The following ATP9B variants were observed in gnomAD, a reference collection of about 807,000 sequenced individuals.
ATP9B encodes probable phospholipid-transporting ATPase IIB.
ATP9B carries 110 observed loss-of-function variants against 146.1 expected under a neutral mutation model. The ratio of observed to expected loss-of-function variants is 0.75; its 90% confidence interval spans 0.65 to 0.88. The LOEUF is 0.88. Among genes scored for constraint, ATP9B ranks in the 40% least tolerant of loss-of-function variants. The probability of loss-of-function intolerance (pLI) is 0.00; values close to 1 mark genes in which losing one functional copy is unlikely to be tolerated. For synonymous variants in ATP9B, 604 were observed against 569.7 expected (o/e 1.06, Z -0.86); for missense variants, 1,499 against 1,496.4 (o/e 1.00, Z -0.03).
At chr18:79,199,772 A>G (rs371825388) in intron 9 of ATP9B, among the ~76,000 whole-genome samples, 15 of 120,422 alleles carry the variant, frequency 1.2e-4, no homozygotes, top group South Asian at 4.5e-4. Context: ...GAAAAAAAAA[A>G]AAAAAAGAAA....
intron 1 of ATP9B, among the ~76,000 whole-genome samples, chr18:79,088,273 CTT>C (rs2074013228): frequency 6.6e-6 from 1 of 152,148 alleles, no homozygotes; most frequent in Admixed American, 6.5e-5. Context: ...TGTTGAATAA[CTT>C]AATGAAAAAG....
chr18:79,121,201 T>G lies in ATP9B; in HGVS notation c.559-5066T>G, dbSNP rs144088383. Among the ~76,000 whole-genome samples the G allele has an allele frequency of 3.7e-4, 56 of 152,304 alleles. 2 individuals carry two copies. The East Asian group carries it at 5.4e-3, about 15-fold the overall frequency. ...AACTTTTTCTCCTTTTACAAAAATG[T>G]ATATTGTTTTGGACTAGCTCCGCAT... On this transcript the variant is annotated intron_variant, in intron 4 of 29. Coordinates refer to ENST00000426216, the MANE Select transcript of ATP9B (RefSeq NM_198531.5).
chr18:79,096,036 C>T (rs1295070751), intron 1 of ATP9B, among the ~76,000 whole-genome samples: 6 of 152,142 alleles, frequency 3.9e-5, no homozygotes, highest in Non-Finnish European at 5.9e-5. Context: ...TACATACTGT[C>T]GAAAGTCACT....
intron 2 of ATP9B, among the ~76,000 whole-genome samples, chr18:79,099,878 G>T (rs1039294504): frequency 6.6e-6 from 1 of 152,154 alleles, no homozygotes; most frequent in Non-Finnish European, 1.5e-5. Flanking sequence ...TGTAATCCCA[G>T]CACTTTGGGA....
At chr18:79,098,133 T>C (rs1166203079) in intron 2 of ATP9B, among the ~76,000 whole-genome samples, 1 of 151,610 alleles carries the variant, frequency 6.6e-6, no homozygotes, top group African/African-American at 2.4e-5. Context: ...AAACAAGCAA[T>C]GGGGAAAGGA....
intron 15 of ATP9B, among the ~76,000 whole-genome samples, chr18:79,327,850 CTCTCCA>C (rs2096765732): frequency 8.8e-5 from 1 of 11,360 alleles, no homozygotes; most frequent in Non-Finnish European, 1.6e-4. Flanking sequence ...GGTTAGCGTG[CTCTCCA>C]TGGTTAGCGT....
intron 12 of ATP9B, 28 bp from the exon 13 acceptor site, chr18:79,277,026 A>G: frequency 6.2e-7 from 1 of 1,613,700 alleles, no homozygotes; most frequent in Non-Finnish European, 8.5e-7. Flanking sequence ...GGATCACACT[A>G]ACCACTGCAA....
At chr18:79,096,711 T>A in intron 2 of ATP9B, 62 bp downstream of exon 2, 1 of 1,316,640 alleles carries the variant, frequency 7.6e-7, no homozygotes, top group East Asian at 2.5e-5. Flanking sequence ...GGTTAGCTTC[T>A]AATATACTTA....
chr18:79,271,751 C>A (rs2145586879), intron 12 of ATP9B, among the ~76,000 whole-genome samples: 1 of 152,222 alleles, frequency 6.6e-6, no homozygotes, highest in South Asian at 2.1e-4. Flanking sequence ...TGGGTATATA[C>A]CCAGTAATGG....
intron 16 of ATP9B, 45 bp downstream of exon 16, chr18:79,329,347 G>A (rs371071004): frequency 6.7e-6 from 10 of 1,484,988 alleles, no homozygotes; most frequent in African/African-American, 1.4e-5. Flanking sequence ...CAGACATTTT[G>A]TTTTCACACC....
intron 6 of ATP9B, chr18:79,144,730 G>A (rs980187813): frequency 9.0e-6 from 1 of 111,622 alleles, no homozygotes; most frequent in Non-Finnish European, 1.7e-5. Context: ...TTTTATTTTT[G>A]TTTTATTCTT....
At chr18:79,322,674 G>A (rs1478437472) in intron 15 of ATP9B, among the ~76,000 whole-genome samples, 1 of 152,218 alleles carries the variant, frequency 6.6e-6, no homozygotes, top group East Asian at 1.9e-4. Flanking sequence ...TCCTATTTGT[G>A]TAATTTATGT....
chr18:79,188,121 A>G (rs1354351547), intron 8 of ATP9B, among the ~76,000 whole-genome samples: 1 of 152,186 alleles, frequency 6.6e-6, no homozygotes, highest in African/African-American at 2.4e-5. Flanking sequence ...GCAAATGTAA[A>G]AGCCCAGCCC....
intron 1 of ATP9B, among the ~76,000 whole-genome samples, chr18:79,083,658 G>A (rs2073499680): frequency 6.6e-6 from 1 of 152,048 alleles, no homozygotes; most frequent in Admixed American, 6.5e-5. Flanking sequence ...GGCTAGGGGT[G>A]GGGAAGTTTG....
intron 19 of ATP9B, among the ~76,000 whole-genome samples, chr18:79,341,479 C>T (rs35310708): frequency 0.048 from 828 of 17,422 alleles, 2 homozygotes; most frequent in Middle Eastern, 0.11. Context: ...TGCCGACACA[C>T]CATTTAGTTG....
At chr18:79,114,452 T>C (rs1487457044) in intron 4 of ATP9B, among the ~76,000 whole-genome samples, 1 of 152,166 alleles carries the variant, frequency 6.6e-6, no homozygotes, top group Non-Finnish European at 1.5e-5. Context: ...CTGGGTAGGC[T>C]CCGTCTCCCT....
At chr18:79,283,932 A>G (rs2096406222) in intron 13 of ATP9B, among the ~76,000 whole-genome samples, 1 of 152,198 alleles carries the variant, frequency 6.6e-6, no homozygotes, top group African/African-American at 2.4e-5. Context: ...TATTAAAGCA[A>G]TACATTAATT....
At chr18:79,245,355 A>G (rs1417765549) in intron 11 of ATP9B, among the ~76,000 whole-genome samples, 1 of 152,228 alleles carries the variant, frequency 6.6e-6, no homozygotes, top group Non-Finnish European at 1.5e-5. Flanking sequence ...ACGTTATTGA[A>G]GGAATTATTT....
At chr18:79,372,992 C>T (rs2097081360) in intron 27 of ATP9B, 110 bp downstream of exon 27, 2 of 729,294 alleles carry the variant, frequency 2.7e-6, no homozygotes, top group East Asian at 2.7e-5. Flanking sequence ...AAAATGCCAT[C>T]AGCAGTTAAA....
Sources: allele counts gnomAD v4.1 joint callset (sites outside exome capture counted in the v4.1 genomes callset), GRCh38; gene constraint gnomAD v4.1.1; transcripts MANE v1.5; gene names NCBI Gene and HGNC (gene_info 2026-07-23, HGNC 2026-07-21).